Variants in ADK observed in about 807,000 individuals in gnomAD.
The protein encoded by ADK is N6,N6-dimethyladenosine kinase.
In ADK, 24 loss-of-function variants were observed where a neutral mutation model predicts 44.7. The ratio of observed to expected loss-of-function variants is 0.54; its 90% CI spans 0.39 to 0.76. The LOEUF is 0.76. Ranked by LOEUF, ADK falls within the 30% of genes least tolerant of loss-of-function variation. ADK has a pLI of 0.00. For synonymous variants in ADK, 128 were observed against 142.6 expected (o/e 0.90, Z 0.73); for missense variants, 321 against 425.1 (o/e 0.76, Z 2.15).
intron 1 of ADK, 25 bp downstream of exon 1, chr10:74,151,368 G>A: frequency 6.5e-7 from 1 of 1,549,336 alleles, no homozygotes; most frequent in Non-Finnish European, 8.7e-7. Flanking sequence ...ACTTGGGGAG[G>A]AGGGTGACGG....
intron 1 of ADK, among the ~76,000 whole-genome samples, chr10:74,161,883 A>C (rs1841908290): frequency 1.3e-5 from 2 of 150,692 alleles, no homozygotes; most frequent in Non-Finnish European, 3.0e-5. Context: ...TTAAAGAAAA[A>C]ATTTTCTTTT....
chr10:74,670,697 G>C (rs1469808024), intron 10 of ADK, among the ~76,000 whole-genome samples: 1 of 152,058 alleles, frequency 6.6e-6, no homozygotes, highest in African/African-American at 2.4e-5. Flanking sequence ...TAAAACATCT[G>C]TTTCAAACAC....
At chr10:74,583,096 A>AGTTTG (rs1443570619) in intron 7 of ADK, among the ~76,000 whole-genome samples, 9 of 152,242 alleles carry the variant, frequency 5.9e-5, no homozygotes, top group Non-Finnish European at 1.2e-4. Context: ...TAGATAACAT[A>AGTTTG]AAGTAAAGGT....
chr10:74,249,155 A>G (rs1045824684), intron 3 of ADK, among the ~76,000 whole-genome samples: 4 of 152,182 alleles, frequency 2.6e-5, no homozygotes, highest in African/African-American at 9.7e-5. Context: ...TGAAATGATG[A>G]CTACACTAAA....
intron 7 of ADK, among the ~76,000 whole-genome samples, chr10:74,561,532 T>G (rs1850459283): frequency 6.6e-6 from 1 of 152,198 alleles, no homozygotes; most frequent in Non-Finnish European, 1.5e-5. Context: ...TAACCTACAT[T>G]TATTTAAAAG....
chr10:74,555,809 A>G (rs1292120055), intron 7 of ADK, among the ~76,000 whole-genome samples: 1 of 152,150 alleles, frequency 6.6e-6, no homozygotes, highest in Non-Finnish European at 1.5e-5. Context: ...ATTCAATGCA[A>G]AATCAGAGAT....
intron 6 of ADK, among the ~76,000 whole-genome samples, chr10:74,455,334 T>G (rs1218555109): frequency 6.6e-6 from 1 of 151,696 alleles, no homozygotes; most frequent in Non-Finnish European, 1.5e-5. Flanking sequence ...CAAGACCCCA[T>G]CTCTTAAAAA....
chr10:74,470,064 A>C, intron 6 of ADK, among the ~76,000 whole-genome samples: 1 of 136,622 alleles, frequency 7.3e-6, no homozygotes, highest in Admixed American at 8.3e-5. Flanking sequence ...TTGCTGTGTC[A>C]CCCAGGCTGG....
At chr10:74,378,208 T>A (rs1384614635) in intron 4 of ADK, among the ~76,000 whole-genome samples, 1 of 151,806 alleles carries the variant, frequency 6.6e-6, no homozygotes, top group African/African-American at 2.4e-5. Flanking sequence ...CCCAGGAGTT[T>A]GAGGTTATAG....
chr10:74,347,106 CA>C (rs58074760), intron 4 of ADK, among the ~76,000 whole-genome samples: 16 of 92,298 alleles, frequency 1.7e-4, no homozygotes, highest in East Asian at 4.6e-4. Flanking sequence ...CACTCTGTCT[CA>C]AAAAAAAAAA....
At chr10:74,337,881 G>A (rs1182439679) in intron 4 of ADK, among the ~76,000 whole-genome samples, 1 of 151,450 alleles carries the variant, frequency 6.6e-6, no homozygotes, top group East Asian at 1.9e-4. Context: ...TCATGCCTCA[G>A]CCTCCCGAGT....
intron 4 of ADK, among the ~76,000 whole-genome samples, chr10:74,322,182 T>C (rs1210962381): frequency 6.6e-6 from 1 of 152,230 alleles, no homozygotes; most frequent in African/African-American, 2.4e-5. Context: ...GACATACTTC[T>C]GTGCATCGGA....
chr10:74,414,684 C>T (rs1844307238), intron 6 of ADK, among the ~76,000 whole-genome samples: 1 of 151,784 alleles, frequency 6.6e-6, no homozygotes, highest in Non-Finnish European at 1.5e-5. Flanking sequence ...GCACTCCTGC[C>T]TAGGTGACAG....
At chr10:74,527,755 C>T in intron 7 of ADK, 1 of 1,562,008 alleles carries the variant, frequency 6.4e-7, no homozygotes, top group South Asian at 1.1e-5. Flanking sequence ...TTCCTCCACT[C>T]CCAGACTTAC....
intron 6 of ADK, among the ~76,000 whole-genome samples, chr10:74,515,826 T>A (rs993566502): frequency 2.0e-5 from 3 of 152,148 alleles, no homozygotes; most frequent in African/African-American, 7.2e-5. Context: ...GTTGGTGGTA[T>A]GGCCATGGTT....
chr10:74,243,967 T>C (rs1233970150), intron 3 of ADK, among the ~76,000 whole-genome samples: 1 of 152,128 alleles, frequency 6.6e-6, no homozygotes, highest in African/African-American at 2.4e-5. Context: ...ATATAAAGAA[T>C]GTAAATTTTT....
Position 74,652,050 on chromosome 10 carries a change from C to CT in ADK, c.878-18118dup, listed in dbSNP as rs1162009549. Among the ~76,000 whole-genome samples the CT allele has an allele frequency of 2.1e-3, 301 of 140,414 alleles. 1 individual carries two copies. Among genetic ancestry groups the CT allele is most frequent in the Non-Finnish European group, 3.4e-3 (219 of 64,618 alleles). The allele number at this position is 140,414 out of a possible 152,430, so 92.1% of individuals were successfully genotyped here. On this transcript the variant is annotated intron_variant, in intron 9 of 10. Coordinates refer to ENST00000539909, the MANE Select transcript of ADK (RefSeq NM_006721.4). ...GGATATGAAGGAACTTTCTTTCTTTCTTTTTTTTTTTTTTTGAGACAGAGT... is the reference window on the plus strand; with the variant it reads ...GGATATGAAGGAACTTTCTTTCTTTCTTTTTTTTTTTTTTTTGAGACAGAGT...
chr10:74,365,651 A>C (rs1842474522), intron 4 of ADK, among the ~76,000 whole-genome samples: 1 of 152,056 alleles, frequency 6.6e-6, no homozygotes, highest in Admixed American at 6.6e-5. Context: ...CCTCTTTTTC[A>C]ATTTGGATGC....
At chr10:74,683,316 C>G (rs180912304) in intron 10 of ADK, among the ~76,000 whole-genome samples, 341 of 152,274 alleles carry the variant, frequency 2.2e-3, no homozygotes, top group African/African-American at 8.1e-3. Context: ...TGTACTACCA[C>G]CAGTCAGGAG....
Sources: allele counts gnomAD v4.1 joint callset (sites outside exome capture counted in the v4.1 genomes callset), GRCh38; gene constraint gnomAD v4.1.1; transcripts MANE v1.5; gene names NCBI Gene and HGNC (gene_info 2026-07-23, HGNC 2026-07-21).